RAD51C: variants seen among roughly 807,000 people sequenced by gnomAD.
The protein encoded by RAD51C is RAD51 paralog C, also known as DNA repair protein RAD51 homolog 3.
In RAD51C, 42 loss-of-function variants were observed where a neutral mutation model predicts 45.0. That is an observed-to-expected ratio of 0.93 (90% CI 0.73 to 1.21). The LOEUF (loss-of-function observed/expected upper bound fraction) is 1.21. RAD51C is among the 50% of genes most tolerant of loss of function. The probability of loss-of-function intolerance (pLI) is 0.00; values close to 1 mark genes in which losing one functional copy is unlikely to be tolerated. For synonymous variants in RAD51C, 172 were observed against 159.8 expected (o/e 1.08, Z -0.58); for missense variants, 474 against 452.2 (o/e 1.05, Z -0.44).
chr17:58,700,570 G>A (rs953920344), intron 3 of RAD51C, among the ~76,000 whole-genome samples: 8 of 151,878 alleles, frequency 5.3e-5, no homozygotes, highest in Non-Finnish European at 1.2e-4. Flanking sequence ...AGCCTCCCAA[G>A]TAGCTGGGAC....
At chr17:58,706,887 A>T (rs1362592308) in intron 4 of RAD51C, among the ~76,000 whole-genome samples, 1 of 152,132 alleles carries the variant, frequency 6.6e-6, no homozygotes, top group Non-Finnish European at 1.5e-5. Context: ...GTTCAACCGT[A>T]CCTTTGGTCT....
chr17:58,717,839 T>C (rs1295441675), intron 5 of RAD51C, among the ~76,000 whole-genome samples: 2 of 152,138 alleles, frequency 1.3e-5, no homozygotes, highest in Admixed American at 1.3e-4. Flanking sequence ...CCCTGTGGCA[T>C]GTAAGGGGAG....
At chr17:58,716,259 A>G (rs1351665557) in intron 5 of RAD51C, among the ~76,000 whole-genome samples, 1 of 152,122 alleles carries the variant, frequency 6.6e-6, no homozygotes, top group East Asian at 1.9e-4. Flanking sequence ...GGCATGTTGA[A>G]TACCTGGTAA....
rs769937101 is a variant in RAD51C at position 58,734,258 on chromosome 17, A to T, written c.*36A>T. 2 of 1,588,982 alleles carry T rather than the reference A, an allele frequency of 1.3e-6. No homozygotes were observed. Among genetic ancestry groups the T allele is most frequent in the African/African-American group, 1.3e-5 (1 of 74,334 alleles). On this transcript the variant is annotated 3_prime_UTR_variant, in exon 9 of 9. Coordinates refer to ENST00000337432, the MANE Select transcript of RAD51C (RefSeq NM_058216.3). ...AATCTCAAAGTGTACAAATTTATTG[A>T]TGTTGTGAAATCAATGTGTACAAGT...
chr17:58,696,557 A>G, intron 2 of RAD51C, 136 bp from the exon 3 acceptor site: 1 of 979,428 alleles, frequency 1.0e-6, no homozygotes, highest in Admixed American at 1.9e-5. Context: ...GAAGAGTTAG[A>G]CATTTCTGTT....
At chr17:58,713,853 T>G (rs1044966493) in intron 5 of RAD51C, among the ~76,000 whole-genome samples, 1 of 152,018 alleles carries the variant, frequency 6.6e-6, no homozygotes, top group Non-Finnish European at 1.5e-5. Flanking sequence ...GAGGTCTCAC[T>G]ATGTTGCCTA....
At chr17:58,722,488 A>G (rs1314144357) in intron 6 of RAD51C, among the ~76,000 whole-genome samples, 1 of 152,196 alleles carries the variant, frequency 6.6e-6, no homozygotes, top group East Asian at 1.9e-4. Context: ...TAAATTGCAC[A>G]TGTGGCAAGT....
At chr17:58,726,891 G>A (rs1457536764) in intron 7 of RAD51C, among the ~76,000 whole-genome samples, 1 of 152,072 alleles carries the variant, frequency 6.6e-6, no homozygotes, top group African/African-American at 2.4e-5. Flanking sequence ...CGCGATCTCG[G>A]CTCACTGCAA....
intron 4 of RAD51C, among the ~76,000 whole-genome samples, chr17:58,709,092 CTTTTTTTTTTT>C (rs34570887): frequency 8.5e-6 from 1 of 117,054 alleles, no homozygotes; most frequent in Non-Finnish European, 1.7e-5. Flanking sequence ...TTTTGAATTA[CTTTTTTTTTTT>C]TTTTTTTTTG....
At position 58,732,496 on chromosome 17, in the gene RAD51C, G is replaced by A; in HGVS notation, c.978G>A (p.Leu326=). 6.2e-7 allele frequency: 1 copy of A among 1,613,116 alleles called. No individual in the cohort carries two copies. The highest frequency in any genetic ancestry group is 2.2e-5 in the East Asian group (1 of 44,798). The change falls in exon 8 of 9, where the codon TTG becomes TTA. Residue 326 remains leucine, a synonymous_variant. Coordinates refer to ENST00000337432, the MANE Select transcript of RAD51C (RefSeq NM_058216.3). ...TTTCTTTAAGCAGGTTGGCAACATT[G>A]TACAAGTCACCCAGCCAGAAGGAAT... ...HWDRKQRLAT[L]YKSPSQKECT... is the part of the protein sequence containing the mutation.
At chr17:58,708,040 G>A (rs918736551) in intron 4 of RAD51C, among the ~76,000 whole-genome samples, 12 of 152,270 alleles carry the variant, frequency 7.9e-5, no homozygotes, top group African/African-American at 2.9e-4. Flanking sequence ...CTGGGAGATA[G>A]GGCTTCAATT....
intron 4 of RAD51C, among the ~76,000 whole-genome samples, chr17:58,705,167 G>T (rs1439068362): frequency 6.6e-6 from 1 of 151,812 alleles, no homozygotes; most frequent in Non-Finnish European, 1.5e-5. Context: ...AAATACAATA[G>T]AAATTAATTT....
chr17:58,712,640 G>A lies in RAD51C; in HGVS notation c.837+2650G>A, dbSNP rs2048598587. 2.0e-5 allele frequency among the ~76,000 whole-genome samples: 3 copies of A among 151,812 alleles called. No homozygotes were observed. In the South Asian group the frequency reaches 6.3e-4, roughly 32 times the overall value. ...TCGAGACCATCCTGGCTAACACGGT[G>A]AAACCCCATCTCTACTAAAAATACA... On this transcript the variant is annotated intron_variant, in intron 5 of 8. Transcript: ENST00000337432.
chr17:58,716,093 A>C (rs536657130), intron 5 of RAD51C, among the ~76,000 whole-genome samples: 1 of 150,376 alleles, frequency 6.6e-6, no homozygotes, highest in Non-Finnish European at 1.5e-5. Context: ...CAACAGAGCA[A>C]GACTCTGTCT....
intron 6 of RAD51C, among the ~76,000 whole-genome samples, chr17:58,721,356 G>A (rs2048911876): frequency 6.6e-6 from 1 of 152,188 alleles, no homozygotes; most frequent in African/African-American, 2.4e-5. Context: ...GTGTTAGGGA[G>A]AAGGAAAGGT....
intron 7 of RAD51C, among the ~76,000 whole-genome samples, chr17:58,728,640 C>T (rs1024419063): frequency 6.6e-6 from 1 of 151,988 alleles, no homozygotes; most frequent in Admixed American, 6.6e-5. Flanking sequence ...TCAGTCAGTC[C>T]ACCTACCTCG....
At chr17:58,696,954 T>C in intron 3 of RAD51C, 95 bp downstream of exon 3, 1 of 1,382,980 alleles carries the variant, frequency 7.2e-7, no homozygotes, top group East Asian at 2.3e-5. Context: ...ATTTGGAATG[T>C]GAAGCCTAAT....
chr17:58,725,122 T>TC (rs2049069719), intron 7 of RAD51C, among the ~76,000 whole-genome samples: 1 of 152,122 alleles, frequency 6.6e-6, no homozygotes, highest in African/African-American at 2.4e-5. Flanking sequence ...GTGTTTTTTT[T>TC]CCCCCACAAT....
intron 3 of RAD51C, among the ~76,000 whole-genome samples, chr17:58,701,855 G>A (rs192728376): frequency 6.6e-5 from 10 of 151,844 alleles, no homozygotes; most frequent in African/African-American, 2.2e-4. Context: ...GAGCCACCAC[G>A]CCCAGCCTCA....
Sources: allele counts gnomAD v4.1 joint callset (sites outside exome capture counted in the v4.1 genomes callset), GRCh38; gene constraint gnomAD v4.1.1; transcripts MANE v1.5; gene names NCBI Gene and HGNC (gene_info 2026-07-23, HGNC 2026-07-21).